The following WWOX variants were observed in gnomAD, a reference collection of about 807,000 sequenced individuals.
WWOX encodes WW domain-containing oxidoreductase.
WWOX carries 69 observed loss-of-function variants against 46.2 expected under a neutral mutation model. The ratio of observed to expected loss-of-function variants is 1.49; its 90% CI spans 1.23 to 1.82. The LOEUF (loss-of-function observed/expected upper bound fraction) is 1.82, where lower values mean the gene tolerates loss of function less well. Ranked by LOEUF, WWOX falls within the 40% of genes most tolerant of loss-of-function variation. The probability of loss-of-function intolerance (pLI) is 0.00; values close to 1 mark genes in which losing one functional copy is unlikely to be tolerated. For synonymous variants in WWOX, 359 were observed against 202.6 expected, an observed-to-expected ratio of 1.77 and a Z score of -6.56; for missense variants, 919 against 542.6, an observed-to-expected ratio of 1.69 and a Z score of -6.89.
At chr16:78,316,589 C>T (rs144165133) in intron 5 of WWOX, among the ~76,000 whole-genome samples, 4 of 152,080 alleles carry the variant, frequency 2.6e-5, no homozygotes, top group African/African-American at 7.2e-5. Flanking sequence ...GTGTTCTGCC[C>T]GTCTCGGCCT....
chr16:79,180,441 A>T (rs1027238742), intron 8 of WWOX, among the ~76,000 whole-genome samples: 8 of 152,154 alleles, frequency 5.3e-5, no homozygotes, highest in Non-Finnish European at 1.2e-4. Flanking sequence ...TATAAAATGG[A>T]CATAAAGCCT....
intron 8 of WWOX, among the ~76,000 whole-genome samples, chr16:79,209,441 G>T (rs963565294): frequency 6.6e-6 from 1 of 152,136 alleles, no homozygotes; most frequent in Non-Finnish European, 1.5e-5. Context: ...CTTTCCTCAC[G>T]CTTGGCAGAA....
At chr16:78,913,327 G>T (rs1242744930) in intron 8 of WWOX, among the ~76,000 whole-genome samples, 1 of 151,946 alleles carries the variant, frequency 6.6e-6, no homozygotes. Flanking sequence ...GCATTTTTGA[G>T]CCTCTGCCTG....
Position 79,211,729 on chromosome 16 carries a change from C to T in WWOX, c.1178C>T (p.Thr393Met), listed in dbSNP as rs139253468. 9.0e-4 allele frequency: 1,458 copies of T among 1,614,222 alleles called. 1 individual carries two copies. The highest frequency in any genetic ancestry group is 1.1e-3 in the Non-Finnish European group (1,347 of 1,180,046). ...MPSPEAQSEE[T>M]ARTLWALSER... ...TCACCAGAAGCTCAGAGCGAAGAGA[C>T]GGCCCGGACCCTGTGGGCGCTCAGC... The change falls in exon 9 of 9, where the codon ACG (threonine) becomes ATG (methionine). Residue 393 changes from threonine to methionine, a missense_variant. Thr to Met is a moderately conservative substitution (Grantham distance 81). Coordinates refer to ENST00000566780, the MANE Select transcript of WWOX (RefSeq NM_016373.4).
At chr16:78,955,091 G>T (rs13339612) in intron 8 of WWOX, among the ~76,000 whole-genome samples, 2 of 152,184 alleles carry the variant, frequency 1.3e-5, no homozygotes, top group South Asian at 4.2e-4. Flanking sequence ...AGGAAACTCC[G>T]CAGAGAGAAA....
chr16:78,975,950 TAC>T (rs2046564063), intron 8 of WWOX, among the ~76,000 whole-genome samples: 1 of 152,196 alleles, frequency 6.6e-6, no homozygotes, highest in Non-Finnish European at 1.5e-5. Flanking sequence ...CATCCCCTGA[TAC>T]CCTCCTGCCT....
At chr16:79,018,251 A>G (rs111394767) in intron 8 of WWOX, among the ~76,000 whole-genome samples, 4,037 of 152,288 alleles carry the variant, frequency 0.027, 74 homozygotes, top group Non-Finnish European at 0.038. Context: ...CTAGTATGTA[A>G]AATCAGCAAT....
Position 78,978,321 on chromosome 16 carries a change from G to A in WWOX, c.1057-233287G>A, listed in dbSNP as rs539605420. ...GTGAATAATTGCATATGAGTATTTG[G>A]GTTCCTGTTTTTAATTATGTTGGGT... On this transcript the variant is annotated intron_variant, in intron 8 of 8. Transcript: ENST00000566780. Among the ~76,000 whole-genome samples the A allele has an allele frequency of 2.0e-5, 3 of 152,258 alleles. 1 individual carries two copies. In the East Asian group the frequency reaches 5.8e-4, roughly 29 times the overall value.
At chr16:79,035,415 G>A (rs2047846600) in intron 8 of WWOX, among the ~76,000 whole-genome samples, 1 of 151,780 alleles carries the variant, frequency 6.6e-6, no homozygotes, top group South Asian at 2.1e-4. Context: ...ACTAAAGTTG[G>A]TGCTGTGAAC....
chr16:78,504,415 C>G (rs1460367308), intron 8 of WWOX, among the ~76,000 whole-genome samples: 1 of 152,188 alleles, frequency 6.6e-6, no homozygotes, highest in Non-Finnish European at 1.5e-5. Flanking sequence ...CAAGCTTGAT[C>G]TCTCAGAATG....
chr16:78,292,341 C>A (rs1162081296), intron 5 of WWOX, among the ~76,000 whole-genome samples: 1 of 152,142 alleles, frequency 6.6e-6, no homozygotes, highest in Non-Finnish European at 1.5e-5. Flanking sequence ...AGCTGTCTGT[C>A]ATTTTCTTAT....
chr16:78,878,715 C>T (rs1210937946), intron 8 of WWOX, among the ~76,000 whole-genome samples: 1 of 151,904 alleles, frequency 6.6e-6, no homozygotes, highest in Non-Finnish European at 1.5e-5. Flanking sequence ...CTGCAACACC[C>T]AGTAGTCTGG....
chr16:79,166,393 C>A (rs1043220382), intron 8 of WWOX, among the ~76,000 whole-genome samples: 1 of 152,100 alleles, frequency 6.6e-6, no homozygotes, highest in African/African-American at 2.4e-5. Flanking sequence ...AGCTTTTCTT[C>A]CCTTTTGCCT....
intron 5 of WWOX, among the ~76,000 whole-genome samples, chr16:78,178,614 C>G (rs1047930718): frequency 6.6e-6 from 1 of 152,110 alleles, no homozygotes; most frequent in Non-Finnish European, 1.5e-5. Context: ...GCCTGTAATC[C>G]CAGCACTTTG....
At chr16:78,788,437 C>T (rs1292514159) in intron 8 of WWOX, among the ~76,000 whole-genome samples, 2 of 152,166 alleles carry the variant, frequency 1.3e-5, no homozygotes, top group Admixed American at 6.5e-5. Context: ...TCAGACCCTC[C>T]CCAGAGAGTC....
At chr16:78,269,122 T>G (rs1393259784) in intron 5 of WWOX, 1 of 152,230 alleles carries the variant, frequency 6.6e-6, no homozygotes, top group Non-Finnish European at 1.5e-5. Flanking sequence ...CTGTGTAATA[T>G]TCCACAACCC....
intron 8 of WWOX, among the ~76,000 whole-genome samples, chr16:79,050,570 A>T (rs2048147619): frequency 6.6e-6 from 1 of 152,010 alleles, no homozygotes; most frequent in East Asian, 1.9e-4. Flanking sequence ...AGCCCGGGGC[A>T]TGGATCCAGA....
At chr16:79,074,409 CTTTTTTTTTTTTTTTTTTTT>C (rs60074156) in intron 8 of WWOX, among the ~76,000 whole-genome samples, 8 of 30,990 alleles carry the variant, frequency 2.6e-4, no homozygotes, top group South Asian at 1.8e-3. Context: ...GTCACTAGTC[CTTTTTTTTTTTTTTTTTTTT>C]TTTTTTTTTT....
intron 7 of WWOX, 99 bp downstream of exon 7, chr16:78,425,154 C>CTT (rs2083047037): frequency 6.6e-7 from 1 of 1,512,800 alleles, no homozygotes; most frequent in African/African-American, 1.4e-5. Flanking sequence ...ATTAGTCCTG[C>CTT]TTGAGACATG....
Sources: allele counts gnomAD v4.1 joint callset (sites outside exome capture counted in the v4.1 genomes callset), GRCh38; gene constraint gnomAD v4.1.1; transcripts MANE v1.5; gene names NCBI Gene and HGNC (gene_info 2026-07-23, HGNC 2026-07-21).